SLC8A2: variants seen among roughly 807,000 people sequenced by gnomAD.
SLC8A2 encodes solute carrier family 8 member A2.
A neutral mutation model predicts 70.2 loss-of-function variants in SLC8A2; 14 were observed. That is an observed-to-expected ratio of 0.20 (90% CI 0.13 to 0.31). SLC8A2 has a LOEUF of 0.31. Among genes scored for constraint, SLC8A2 ranks in the 10% least tolerant of loss-of-function variants. The pLI is 1.00. For synonymous variants in SLC8A2, 575 were observed against 594.3 expected (o/e 0.97, Z 0.47); for missense variants, 779 against 1,320.1 (o/e 0.59, Z 6.35).
chr19:47,465,261 G>A lies in SLC8A2; in HGVS notation c.675+468C>T, dbSNP rs1331522750. Among the ~76,000 whole-genome samples, 1 of 152,120 alleles carries A rather than the reference G, an allele frequency of 6.6e-6. No homozygotes were observed. The highest frequency in any genetic ancestry group is 1.5e-5 in the Non-Finnish European group (1 of 68,014). On this transcript the variant is annotated intron_variant, in intron 2 of 9. Coordinates refer to ENST00000236877, the MANE Select transcript of SLC8A2 (RefSeq NM_015063.3). The surrounding 1 kb of genome is among the most constrained non-coding windows in gnomAD (Gnocchi z 5.5). Reference sequence around the variant, plus strand: ...GCTGGATTATATGCAAGGGTAGTATGAATTATGCGAATGGAGGATGTCTTA... The same window carrying A: ...GCTGGATTATATGCAAGGGTAGTATAAATTATGCGAATGGAGGATGTCTTA...
rs1967488929 is a variant in SLC8A2, at chr19:47,468,240, A to G, written c.-16-1821T>C. On this transcript the variant is annotated intron_variant, in intron 1 of 9. Transcript: ENST00000236877. This position sits in a 1 kb window ranked among gnomAD's most constrained non-coding sequence, Gnocchi z 5.1. ...CCCCTCTGCTCCTCAGCCTCACCAG[A>G]CAAGCTTCTGCCTTGGAGCCCTGGC... Among the ~76,000 whole-genome samples the G allele has an allele frequency of 1.3e-5, 2 of 151,792 alleles. No homozygotes were observed. The highest frequency in any genetic ancestry group is 1.3e-4 in the Admixed American group (2 of 15,242).
intron 2 of SLC8A2, among the ~76,000 whole-genome samples, chr19:47,462,256 T>C (rs1214036737): frequency 4.0e-5 from 6 of 151,398 alleles, no homozygotes; most frequent in African/African-American, 1.5e-4. Flanking sequence ...CTTTTTCTTT[T>C]TCTTTCTTTC....
At chr19:47,431,826 T>C (rs111403173) in intron 9 of SLC8A2, among the ~76,000 whole-genome samples, 5 of 152,222 alleles carry the variant, frequency 3.3e-5, no homozygotes, top group African/African-American at 9.6e-5. Flanking sequence ...TTGGCTTCTC[T>C]GACAATCCCC....
intron 2 of SLC8A2, among the ~76,000 whole-genome samples, chr19:47,464,326 G>C (rs934640713): frequency 6.6e-6 from 1 of 152,054 alleles, no homozygotes; most frequent in South Asian, 2.1e-4. Context: ...TGGCCAGGCT[G>C]GTCTCGAACT....
rs62128678 is a variant in SLC8A2 at position 47,450,810 on chromosome 19, G to A, written c.1341-2579C>T. Among the ~76,000 whole-genome samples the A allele has an allele frequency of 6.6e-3, 1,003 of 152,136 alleles. 8 individuals are homozygous for A. Among genetic ancestry groups the A allele is most frequent in the Non-Finnish European group, 0.012 (805 of 67,992 alleles). ...GCCTTGGTTTCCTTATCTGTGGAAT[G>A]GGCTAATAATAGTGTTTACCTCCTG... On this transcript the variant is annotated intron_variant, in intron 3 of 9. Coordinates refer to ENST00000236877, the MANE Select transcript of SLC8A2 (RefSeq NM_015063.3).
In SLC8A2 at chr19:47,471,412, G is replaced by T. The variant is rs536435687; in HGVS notation, c.-17+377C>A. On this transcript the variant is annotated intron_variant, in intron 1 of 9. Coordinates refer to ENST00000236877, the MANE Select transcript of SLC8A2 (RefSeq NM_015063.3). ...AGACAGGGACTCCCAGAGGCGGCCA[G>T]ACTCTGCTAGACAGAGACCCCTGAG... is the stretch of plus-strand genomic sequence containing the variant. 2.0e-5 allele frequency among the ~76,000 whole-genome samples: 3 copies of T among 151,806 alleles called. No homozygotes were observed. The South Asian group carries it at 6.3e-4, about 32-fold the overall frequency.
chr19:47,440,676 C>T (rs1203855856), intron 6 of SLC8A2, among the ~76,000 whole-genome samples: 4 of 152,224 alleles, frequency 2.6e-5, no homozygotes, highest in East Asian at 1.9e-4. Context: ...ACCGCAACCT[C>T]CACCTCCCGG....
chr19:47,463,324 G>A (rs148633453), intron 2 of SLC8A2, among the ~76,000 whole-genome samples: 5,339 of 150,140 alleles, frequency 0.036, 112 homozygotes, highest in Non-Finnish European at 0.06. Context: ...TAGCAGAGAC[G>A]GGGTTTCACC....
At position 47,437,988 on chromosome 19, in the gene SLC8A2, G is replaced by A. The variant is rs2122617838; in HGVS notation, c.1886-15C>T. On this transcript the variant is annotated splice_polypyrimidine_tract_variant and intron_variant, in intron 6 of 9. Coordinates refer to ENST00000236877, the MANE Select transcript of SLC8A2 (RefSeq NM_015063.3). The stretch of plus-strand genomic sequence containing the variant: ...GTCCCCATCCCCTGCAGCATGAGGG[G>A]TGGGGGTTAGACTCCTGGGAGACCT... 6.2e-7 allele frequency: 1 copy of A among 1,613,990 alleles called. No individual in the cohort carries two copies.
intron 3 of SLC8A2, among the ~76,000 whole-genome samples, chr19:47,452,445 AGTGTGTGTGTGTGTGTGTGTGTGT>A (rs1158828688): frequency 3.7e-5 from 2 of 54,060 alleles, no homozygotes; most frequent in African/African-American, 1.8e-4. Context: ...AGAGAGAGAG[AGTGTGTGTGTGTGTGTGTGTGTGT>A]GTGTGTGTGT....
intron 1 of SLC8A2, among the ~76,000 whole-genome samples, chr19:47,469,484 G>T (rs1967506194): frequency 6.6e-6 from 1 of 152,148 alleles, no homozygotes; most frequent in African/African-American, 2.4e-5. Flanking sequence ...CCTCAAGAGA[G>T]ACCACAGCCA....
chr19:47,429,973 C>G lies in SLC8A2; in HGVS notation c.*116G>C. 9.4e-7 allele frequency: 1 copy of G among 1,065,028 alleles called. No individual in the cohort carries two copies. The highest frequency in any genetic ancestry group is 1.3e-6 in the Non-Finnish European group (1 of 753,940). The allele number at this position is 1,065,028 out of a possible 1,614,324, so 66.0% of individuals were successfully genotyped here. On this transcript the variant is annotated 3_prime_UTR_variant, in exon 10 of 10. Transcript: ENST00000236877. ...AGGGGAGGGGGCGGAGAAGGGAGGC[C>G]GAGTCCCAGGAGAGGAGGCCGAGTC... is the stretch of plus-strand genomic sequence containing the variant.
rs1214694321 is a variant in SLC8A2, at chr19:47,430,104, G to A, written c.2751C>T (p.His917=). Residue 917 remains histidine, a synonymous_variant, in exon 10 of 10, where the codon CAC becomes CAT. Coordinates refer to ENST00000236877, the MANE Select transcript of SLC8A2 (RefSeq NM_015063.3). The surrounding 1 kb of genome is among the most constrained non-coding windows in gnomAD (Gnocchi z 5.9). ...GCGCGAGGCCCTAGAAGCCCCGGAT[G>A]TGGCAGTACGCCTCCAGGCTGGCGA... ...ILFASLEAYC[H]IRGF 1.3e-6 allele frequency: 2 copies of A among 1,588,846 alleles called. No individual in the cohort carries two copies. The highest frequency in any genetic ancestry group is 1.7e-6 in the Non-Finnish European group (2 of 1,167,344).
At chr19:47,445,770 A>G (rs964268718) in intron 4 of SLC8A2, among the ~76,000 whole-genome samples, 2 of 152,142 alleles carry the variant, frequency 1.3e-5, no homozygotes, top group African/African-American at 4.8e-5. Flanking sequence ...TTGCAGCAGC[A>G]GGAGGGAAGC....
At chr19:47,441,028 C>A (rs1967093372) in intron 6 of SLC8A2, 141 bp downstream of exon 6, 4 of 722,756 alleles carry the variant, frequency 5.5e-6, no homozygotes, top group Non-Finnish European at 9.6e-6. Flanking sequence ...CCCACTGTCC[C>A]CCAGCCCTGA....
chr19:47,452,219 T>C (rs1254090368), intron 3 of SLC8A2, among the ~76,000 whole-genome samples: 1 of 151,986 alleles, frequency 6.6e-6, no homozygotes, highest in Non-Finnish European at 1.5e-5. Flanking sequence ...TTGTTATTAT[T>C]TTATTATTAT....
At chr19:47,459,508 CTG>C (rs913882014) in intron 2 of SLC8A2, among the ~76,000 whole-genome samples, 9 of 152,160 alleles carry the variant, frequency 5.9e-5, no homozygotes, top group African/African-American at 1.4e-4. Context: ...CTCCCCATCT[CTG>C]TGTGTGTGCA....
At chr19:47,467,546 G>A (rs939567773) in intron 1 of SLC8A2, among the ~76,000 whole-genome samples, 4 of 152,100 alleles carry the variant, frequency 2.6e-5, no homozygotes, top group Non-Finnish European at 5.9e-5. Flanking sequence ...TCTATAAGTG[G>A]TGCAGTTCCT....
chr19:47,467,587 G>T (rs1446707392), intron 1 of SLC8A2, among the ~76,000 whole-genome samples: 1 of 152,064 alleles, frequency 6.6e-6, no homozygotes, highest in Non-Finnish European at 1.5e-5. Flanking sequence ...ACCCTGTGCT[G>T]GGCTTTCTGT....
Sources: gnomAD v4.1 joint callset for allele counts (sites outside exome capture counted in the v4.1 genomes callset) on GRCh38, gnomAD v4.1.1 for gene constraint, Gnocchi (gnomAD v3.1) non-coding constraint, MANE v1.5 for transcripts, NCBI Gene and HGNC (gene_info 2026-07-23, HGNC 2026-07-21) for gene names.